The following AVL9 variants were observed in gnomAD, a reference collection of about 807,000 sequenced individuals.
The protein encoded by AVL9 is AVL9 cell migration associated.
Under a neutral mutation model 79.2 loss-of-function variants are expected in AVL9, and 49 were observed. The observed-to-expected ratio is 0.62, with a 90% CI of 0.49 to 0.79. The LOEUF is 0.79. Among genes scored for constraint, AVL9 ranks in the 30% least tolerant of loss-of-function variants. The pLI is 0.00. For missense variants in AVL9, 682 were observed against 776.8 expected (o/e 0.88, Z 1.45); for synonymous variants, 299 against 280.6 (o/e 1.07, Z -0.65).
At chr7:32,504,274 A>C (rs558804548) in intron 1 of AVL9, among the ~76,000 whole-genome samples, 2 of 152,284 alleles carry the variant, frequency 1.3e-5, no homozygotes, top group Admixed American at 6.5e-5. Context: ...TTTTTCCTGT[A>C]AGAAAAATGG....
chr7:32,546,728 C>T (rs1789526482), intron 3 of AVL9, among the ~76,000 whole-genome samples: 1 of 151,978 alleles, frequency 6.6e-6, no homozygotes, highest in African/African-American at 2.4e-5. Context: ...GAGGCTGAGG[C>T]AGGAGAACTG....
chr7:32,573,453 TTATTA>T, intron 12 of AVL9, 35 bp downstream of exon 12: 4 of 1,540,436 alleles, frequency 2.6e-6, no homozygotes, highest in African/African-American at 1.4e-5. Context: ...GCTACCTGTT[TTATTA>T]TAATTTTTCA....
intron 1 of AVL9, among the ~76,000 whole-genome samples, chr7:32,513,038 C>G (rs1787750798): frequency 6.6e-6 from 1 of 152,306 alleles, no homozygotes; most frequent in Non-Finnish European, 1.5e-5. Context: ...CAACTACTTG[C>G]TAATCCCAGA....
chr7:32,558,147 C>T (rs942778901), intron 8 of AVL9, among the ~76,000 whole-genome samples: 1 of 151,352 alleles, frequency 6.6e-6, no homozygotes, highest in African/African-American at 2.4e-5. Flanking sequence ...AGCCAGCCAC[C>T]AAGCCCAGCA....
At chr7:32,518,692 AAG>A (rs1189772390) in intron 1 of AVL9, among the ~76,000 whole-genome samples, 1 of 152,156 alleles carries the variant, frequency 6.6e-6, no homozygotes, top group East Asian at 1.9e-4. Context: ...TTGTTTAAGA[AAG>A]AAGGATATGT....
intron 13 of AVL9, among the ~76,000 whole-genome samples, chr7:32,578,113 T>C (rs1249928226): frequency 6.6e-6 from 1 of 152,076 alleles, no homozygotes; most frequent in Non-Finnish European, 1.5e-5. Context: ...AAACAGGTTA[T>C]GGTGGTAAGT....
rs1791794456 is a variant in AVL9, at chr7:32,586,474, A to ACC, written c.*2568_*2569insCC. 4.0e-5 allele frequency: 4 copies of ACC among 100,640 alleles called. No homozygotes were observed. Among genetic ancestry groups the ACC allele is most frequent in the South Asian group, 2.8e-4 (1 of 3,612 alleles). 6.2% of individuals were successfully genotyped at this position (100,640 alleles called of 1,614,324 possible). A position where few individuals can be genotyped will look rare whatever the true frequency, so the allele number is the denominator to read the frequency against. On this transcript the variant is annotated 3_prime_UTR_variant, in exon 16 of 16. Transcript: ENST00000318709. Reference sequence around the variant, plus strand: ...CCTGGTCCTGTGACCCCCCCCCCCCACACACACACATACTTCAGGCTTGGA... The same window carrying ACC: ...CCTGGTCCTGTGACCCCCCCCCCCCACCCACACACACATACTTCAGGCTTGGA...
chr7:32,501,010 A>T (rs1320782376), intron 1 of AVL9, among the ~76,000 whole-genome samples: 1 of 152,238 alleles, frequency 6.6e-6, no homozygotes, highest in African/African-American at 2.4e-5. Context: ...TAATCTTAAC[A>T]CTAGTTCCAC....
Position 32,585,253 on chromosome 7 carries a change from A to C in AVL9, c.*1346A>C, listed in dbSNP as rs1033389206. ...GAAAAGCAAGGTGATTGTAAGTATT[A>C]AATAGAAATCTCATCTTAGTTTATA... On this transcript the variant is annotated 3_prime_UTR_variant, in exon 16 of 16. Transcript: ENST00000318709. The C allele has an allele frequency of 6.6e-6, 1 of 152,208 alleles. No homozygotes were observed. Among genetic ancestry groups the C allele is most frequent in the African/African-American group, 2.4e-5 (1 of 41,460 alleles). 9.4% of individuals were successfully genotyped at this position (152,208 alleles called of 1,614,324 possible).
chr7:32,553,685 T>G, intron 6 of AVL9, 42 bp from the exon 7 acceptor site: 2 of 1,519,906 alleles, frequency 1.3e-6, no homozygotes, highest in Non-Finnish European at 1.8e-6. Context: ...AGCAAAAACA[T>G]TACATTGTAG....
intron 1 of AVL9, among the ~76,000 whole-genome samples, chr7:32,496,424 ATC>A (rs1786816398): frequency 6.6e-6 from 1 of 152,182 alleles, no homozygotes; most frequent in South Asian, 2.1e-4. Flanking sequence ...TGAGAGATTA[ATC>A]TCTCCATATC....
intron 1 of AVL9, among the ~76,000 whole-genome samples, chr7:32,502,392 C>CAAAAAAAAAAAAAAAAAAAAA (rs70992721): frequency 8.7e-5 from 10 of 114,348 alleles, no homozygotes; most frequent in African/African-American, 3.3e-4. Flanking sequence ...AACCCTTTCT[C>CAAAAAAAAAAAAAAAAAAAAA]AAAAAAAAAA....
intron 15 of AVL9, among the ~76,000 whole-genome samples, chr7:32,582,635 T>TA (rs1235360626): frequency 3.9e-5 from 6 of 152,212 alleles, no homozygotes; most frequent in African/African-American, 1.4e-4. Flanking sequence ...TCTATACTCT[T>TA]CTGTCCAAGA....
chr7:32,565,510 G>C (rs1429356373), intron 10 of AVL9, among the ~76,000 whole-genome samples: 1 of 148,532 alleles, frequency 6.7e-6, no homozygotes, highest in Admixed American at 6.8e-5. Flanking sequence ...GATGAGTGGA[G>C]ATCGTGCCAT....
intron 1 of AVL9, among the ~76,000 whole-genome samples, chr7:32,527,477 A>T (rs1788455157): frequency 6.6e-6 from 1 of 152,178 alleles, no homozygotes; most frequent in Non-Finnish European, 1.5e-5. Context: ...AGCTCAGTGC[A>T]TACAAGTTAA....
intron 13 of AVL9, among the ~76,000 whole-genome samples, chr7:32,579,583 A>AATATAT (rs1300767357): frequency 7.7e-5 from 1 of 13,000 alleles, no homozygotes; most frequent in African/African-American, 3.8e-4. Flanking sequence ...ATTATATATT[A>AATATAT]TATATTATAT....
intron 1 of AVL9, among the ~76,000 whole-genome samples, chr7:32,496,157 T>A (rs1424556970): frequency 6.6e-6 from 1 of 152,236 alleles, no homozygotes; most frequent in African/African-American, 2.4e-5. Context: ...TTTCTGGGTG[T>A]CCACCTATAA....
chr7:32,544,563 A>G (rs192007179), intron 2 of AVL9, 131 bp from the exon 3 acceptor site: 1 of 632,488 alleles, frequency 1.6e-6, no homozygotes, highest in East Asian at 2.8e-5. Flanking sequence ...TGCTACAAAT[A>G]AGTATGATTT....
intron 11 of AVL9, among the ~76,000 whole-genome samples, chr7:32,572,599 G>A (rs867762021): frequency 1.5e-4 from 23 of 150,298 alleles, no homozygotes; most frequent in Admixed American, 9.2e-4. Context: ...TCAAGACATC[G>A]AGACCATCCT....
Sources: gnomAD v4.1 joint callset for allele counts (sites outside exome capture counted in the v4.1 genomes callset) on GRCh38, gnomAD v4.1.1 for gene constraint, MANE v1.5 for transcripts, NCBI Gene and HGNC (gene_info 2026-07-23, HGNC 2026-07-21) for gene names.